DSCAML1: variants seen among roughly 807,000 people sequenced by gnomAD.
The protein encoded by DSCAML1 is DS cell adhesion molecule like 1, also known as cell adhesion molecule DSCAML1.
Under a neutral mutation model 200.5 loss-of-function variants are expected in DSCAML1, and 38 were observed. That is an observed-to-expected ratio of 0.19 (90% confidence interval 0.15 to 0.25). The LOEUF is 0.25. DSCAML1 is among the 10% of genes least tolerant of loss of function. DSCAML1 has a pLI of 1.00. For missense variants in DSCAML1, 2,223 were observed against 2,858.8 expected (o/e 0.78, Z 5.07); for synonymous variants, 1,215 against 1,165.0 (o/e 1.04, Z -0.87).
intron 3 of DSCAML1, among the ~76,000 whole-genome samples, chr11:117,721,225 A>G (rs1262919708): frequency 6.6e-6 from 1 of 152,234 alleles, no homozygotes; most frequent in African/African-American, 2.4e-5. Context: ...TATTTCCTCC[A>G]GTTACTGGCC....
Position 117,505,500 on chromosome 11 carries a change from G to T in DSCAML1, c.2016C>A (p.Ser672Arg). The T allele has an allele frequency of 6.2e-7, 1 of 1,612,904 alleles. No individual in the cohort carries two copies. Residue 672 changes from serine to arginine, a missense_variant, in exon 9 of 33, where the codon AGC (serine) becomes AGA (arginine). Coordinates refer to ENST00000651296, the MANE Select transcript of DSCAML1 (RefSeq NM_020693.4). This position sits in a 1 kb window ranked among gnomAD's most constrained non-coding sequence, Gnocchi z 6.7. ...KHNGNYTCIA[S>R]NAAATVSRER... ...CCCGGCTCACGGTGGCGGCTGCGTT[G>T]CTGGCGATGCATGTATAGTTGCCGT...
At chr11:117,447,780 T>C (rs2048210024) in intron 20 of DSCAML1, among the ~76,000 whole-genome samples, 2 of 152,172 alleles carry the variant, frequency 1.3e-5, no homozygotes, top group African/African-American at 2.4e-5. Flanking sequence ...TGCCTATAAT[T>C]CCAGGCTCAT....
At chr11:117,471,725 T>C in intron 15 of DSCAML1, 144 bp downstream of exon 15, 1 of 734,008 alleles carries the variant, frequency 1.4e-6, no homozygotes, top group South Asian at 3.5e-5. Context: ...GATCCAGAGG[T>C]GGACACAAAC....
chr11:117,574,688 A>G (rs984598162), intron 3 of DSCAML1, among the ~76,000 whole-genome samples: 12 of 152,138 alleles, frequency 7.9e-5, no homozygotes, highest in Admixed American at 6.5e-4. Flanking sequence ...CCTGGACTCA[A>G]TGAGGACTGG....
chr11:117,685,341 G>C (rs537580939), intron 3 of DSCAML1, among the ~76,000 whole-genome samples: 118 of 152,296 alleles, frequency 7.7e-4, no homozygotes, highest in African/African-American at 2.7e-3. Flanking sequence ...CCCAGAAAGC[G>C]GCTATCTTCA....
chr11:117,511,039 G>C (rs533521384), intron 8 of DSCAML1, among the ~76,000 whole-genome samples: 4 of 152,282 alleles, frequency 2.6e-5, no homozygotes, highest in Admixed American at 1.3e-4. Flanking sequence ...TCTCCCTTAA[G>C]CTTATCATCA....
intron 3 of DSCAML1, among the ~76,000 whole-genome samples, chr11:117,645,275 G>T (rs962037051): frequency 1.3e-5 from 2 of 152,090 alleles, no homozygotes; most frequent in African/African-American, 2.4e-5. Context: ...GGGTTTCTTG[G>T]GGTCTCCCAC....
In DSCAML1 at chr11:117,551,575, G is replaced by A. The variant is rs763163368; in HGVS notation, c.512-19053C>T. 4.6e-5 allele frequency among the ~76,000 whole-genome samples: 7 copies of A among 152,204 alleles called. No individual in the cohort carries two copies. In the East Asian group the frequency reaches 1.2e-3, roughly 25 times the overall value. On this transcript the variant is annotated intron_variant, in intron 3 of 32. Coordinates refer to ENST00000651296, the MANE Select transcript of DSCAML1 (RefSeq NM_020693.4). ...AGGGTAGAAAGGGAAGGGAAGAACTGGATTGGGGGCATGCATTTGTCATCC... is the reference window on the plus strand; with the variant it reads ...AGGGTAGAAAGGGAAGGGAAGAACTAGATTGGGGGCATGCATTTGTCATCC...
intron 3 of DSCAML1, among the ~76,000 whole-genome samples, chr11:117,569,618 C>A (rs1362018729): frequency 6.6e-6 from 1 of 152,204 alleles, no homozygotes; most frequent in Non-Finnish European, 1.5e-5. Flanking sequence ...TTCTGTACTA[C>A]CTTGGCTAAG....
intron 8 of DSCAML1, among the ~76,000 whole-genome samples, chr11:117,510,634 C>A (rs1592681107): frequency 6.6e-6 from 1 of 152,104 alleles, no homozygotes; most frequent in South Asian, 2.1e-4. Context: ...CCGTAGGATC[C>A]CTTTCCTCAC....
At chr11:117,633,119 T>C (rs1287117345) in intron 3 of DSCAML1, among the ~76,000 whole-genome samples, 3 of 152,140 alleles carry the variant, frequency 2.0e-5, no homozygotes, top group African/African-American at 7.2e-5. Flanking sequence ...CTCTGTCATC[T>C]GGAATTTGGG....
rs1592675319 is a variant in DSCAML1 at position 117,505,200 on chromosome 11, G to C, written c.2063-157C>G. Among the ~76,000 whole-genome samples, 1 of 152,200 alleles carries C rather than the reference G, an allele frequency of 6.6e-6. No homozygotes were observed. Among genetic ancestry groups the C allele is most frequent in the South Asian group, 2.1e-4 (1 of 4,832 alleles). On this transcript the variant is annotated intron_variant, in intron 9 of 32. Transcript: ENST00000651296. This position sits in a 1 kb window ranked among gnomAD's most constrained non-coding sequence, Gnocchi z 6.7. ...ACCCAAGATGCTGAGAACTTTTGTT[G>C]AGTACTGGGTAGGGACTTGGGAGCT...
chr11:117,733,864 G>A (rs567698416), intron 3 of DSCAML1, among the ~76,000 whole-genome samples: 1 of 151,934 alleles, frequency 6.6e-6, no homozygotes, highest in East Asian at 1.9e-4. Flanking sequence ...ATGCATGTAA[G>A]CATGCATCTT....
rs753603715 is a variant in DSCAML1 at position 117,480,475 on chromosome 11, G to T, written c.2753C>A (p.Thr918Lys). 6.2e-7 allele frequency: 1 copy of T among 1,613,370 alleles called. No individual in the cohort carries two copies. The highest frequency in any genetic ancestry group is 8.5e-7 in the Non-Finnish European group (1 of 1,179,814). Residue 918 changes from threonine (T) to lysine (K), a missense_variant, in exon 14 of 33, where the codon ACG becomes AAG. Thr to Lys is a moderately conservative substitution (Grantham distance 78). Around this residue, in one of 7 missense-constraint regions of DSCAML1, gnomAD observed 438 missense variants for 629.7 expected, o/e 0.70. Coordinates refer to ENST00000651296, the MANE Select transcript of DSCAML1 (RefSeq NM_020693.4). This position sits in a 1 kb window ranked among gnomAD's most constrained non-coding sequence, Gnocchi z 4.1. ...GTTCTTGTATTCAATGTCGAAGCCC[G>T]TGATGATGCTGTTCCCGTCGAATCG... ...TQRFDGNSII[T>K]GFDIEYKNKS...
At chr11:117,723,207 C>G (rs1029785082) in intron 3 of DSCAML1, among the ~76,000 whole-genome samples, 2 of 152,208 alleles carry the variant, frequency 1.3e-5, no homozygotes, top group South Asian at 4.1e-4. Flanking sequence ...TTTATTACCC[C>G]TTGTAGCTTT....
intron 3 of DSCAML1, among the ~76,000 whole-genome samples, chr11:117,579,068 C>T (rs2050999652): frequency 6.6e-6 from 1 of 152,174 alleles, no homozygotes; most frequent in South Asian, 2.1e-4. Context: ...GCTCTATCTC[C>T]AAATATATCC....
rs150176100 is a variant in DSCAML1 at position 117,737,012 on chromosome 11, A to G, written c.511+39779T>C. On this transcript the variant is annotated intron_variant, in intron 3 of 32. Coordinates refer to ENST00000651296, the MANE Select transcript of DSCAML1 (RefSeq NM_020693.4). ...CGAGACCACATTGTCAAGCACCGGC[A>G]CACAGCAAGAGCTCAACAAGCTGCT... Among the ~76,000 whole-genome samples, 665 of 152,312 alleles carry G rather than the reference A, an allele frequency of 4.4e-3. 3 individuals are homozygous for G. The highest frequency in any genetic ancestry group is 0.015 in the African/African-American group (629 of 41,558).
chr11:117,501,769 T>C (rs1356878332), intron 11 of DSCAML1, among the ~76,000 whole-genome samples: 2 of 151,966 alleles, frequency 1.3e-5, no homozygotes, highest in Non-Finnish European at 2.9e-5. Context: ...CTGAGCGGGA[T>C]GACGTGACCC....
chr11:117,476,185 G>A (rs115252106), intron 14 of DSCAML1, among the ~76,000 whole-genome samples: 159 of 152,230 alleles, frequency 1.0e-3, no homozygotes, highest in African/African-American at 3.4e-3. Flanking sequence ...ATAAGGAAGC[G>A]GCTGGGGAGA....
Sources: allele counts gnomAD v4.1 joint callset (sites outside exome capture counted in the v4.1 genomes callset), GRCh38; gene constraint gnomAD v4.1.1; regional missense constraint gnomAD v4.1.1; non-coding constraint Gnocchi (gnomAD v3.1); transcripts MANE v1.5; gene names NCBI Gene and HGNC (gene_info 2026-07-23, HGNC 2026-07-21).